CHST11: variants seen among roughly 807,000 people sequenced by gnomAD.
CHST11 encodes C4S-1.
A neutral mutation model predicts 30.4 loss-of-function variants in CHST11; 9 were observed. The ratio of observed to expected loss-of-function variants is 0.30; its 90% CI spans 0.18 to 0.52. CHST11 has a LOEUF of 0.52. Ranked by LOEUF, CHST11 falls within the 20% of genes least tolerant of loss-of-function variation. The probability of loss-of-function intolerance (pLI) is 0.97; values close to 1 mark genes in which losing one functional copy is unlikely to be tolerated. For missense variants in CHST11, 348 were observed against 460.6 expected, an observed-to-expected ratio of 0.76 and a Z score of 2.24; for synonymous variants, 152 against 187.8, an observed-to-expected ratio of 0.81 and a Z score of 1.56.
rs76452316 is a variant in CHST11, at chr12:104,539,142, A to G, written c.119-62764A>G. 6.9e-3 allele frequency among the ~76,000 whole-genome samples: 1,051 copies of G among 152,244 alleles called. 20 individuals are homozygous for G. Among genetic ancestry groups the G allele is most frequent in the African/African-American group, 0.024 (991 of 41,532 alleles). On this transcript the variant is annotated intron_variant, in intron 1 of 2. Transcript: ENST00000303694. ...GCTAACCGTTCTTCCCTCTACCCAC[A>G]AGCAGCTTGATAACGCGACTCTTCA... is the stretch of plus-strand genomic sequence containing the variant.
chr12:104,575,107 T>C (rs10746003), intron 1 of CHST11, among the ~76,000 whole-genome samples: 97,874 of 151,570 alleles, frequency 0.65, 31,919 homozygotes, highest in East Asian at 0.92. Context: ...GCACAAGAAT[T>C]ACTTGAACCC....
chr12:104,659,400 G>A (rs898324963), intron 2 of CHST11, among the ~76,000 whole-genome samples: 15 of 152,160 alleles, frequency 9.9e-5, no homozygotes, highest in East Asian at 5.8e-4. Context: ...AAGAGCTTCC[G>A]GGGATCTCCA....
chr12:104,711,082 G>T (rs533253926), intron 2 of CHST11, among the ~76,000 whole-genome samples: 1 of 152,136 alleles, frequency 6.6e-6, no homozygotes, highest in South Asian at 2.1e-4. Context: ...ATTTGCGTGG[G>T]GGGTGTATAT....
chr12:104,615,788 C>A (rs1231319589), intron 2 of CHST11, among the ~76,000 whole-genome samples: 1 of 152,114 alleles, frequency 6.6e-6, no homozygotes, highest in Non-Finnish European at 1.5e-5. Context: ...ATTAGCCAGG[C>A]GTGGTGGCGG....
At chr12:104,509,895 T>G (rs886852741) in intron 1 of CHST11, among the ~76,000 whole-genome samples, 7 of 152,200 alleles carry the variant, frequency 4.6e-5, no homozygotes, top group Admixed American at 3.3e-4. Context: ...CTGATGTGAA[T>G]AGCTTAGAGT....
intron 1 of CHST11, among the ~76,000 whole-genome samples, chr12:104,496,836 G>A (rs1427240835): frequency 1.3e-5 from 2 of 152,022 alleles, no homozygotes; most frequent in Admixed American, 6.6e-5. Context: ...TTTGAGGATC[G>A]TGGAACTGAG....
intron 2 of CHST11, among the ~76,000 whole-genome samples, chr12:104,716,180 T>A (rs1363561723): frequency 6.6e-6 from 1 of 152,220 alleles, no homozygotes; most frequent in Non-Finnish European, 1.5e-5. Context: ...GTCGCAGACA[T>A]CTGCTTTAAA....
At chr12:104,524,946 G>C (rs1199294421) in intron 1 of CHST11, among the ~76,000 whole-genome samples, 2 of 152,146 alleles carry the variant, frequency 1.3e-5, no homozygotes, top group African/African-American at 4.8e-5. Context: ...ATAAACTCAA[G>C]TTCTAGAGTT....
intron 2 of CHST11, among the ~76,000 whole-genome samples, chr12:104,658,687 C>G (rs2039568451): frequency 6.6e-6 from 1 of 152,222 alleles, no homozygotes; most frequent in Admixed American, 6.5e-5. Context: ...TTCTCCTCCT[C>G]CCAGACTCTC....
intron 2 of CHST11, among the ~76,000 whole-genome samples, chr12:104,690,654 C>CA (rs1351869275): frequency 1.2e-4 from 19 of 152,056 alleles, no homozygotes; most frequent in Non-Finnish European, 2.4e-4. Flanking sequence ...GGTGAAACCC[C>CA]ATCTCTACAT....
At chr12:104,520,086 G>T (rs745368980) in intron 1 of CHST11, among the ~76,000 whole-genome samples, 2 of 152,168 alleles carry the variant, frequency 1.3e-5, no homozygotes, top group African/African-American at 2.4e-5. Flanking sequence ...AGTTGCTGGC[G>T]TCGGAACTGA....
intron 1 of CHST11, among the ~76,000 whole-genome samples, chr12:104,583,379 C>T (rs2038767271): frequency 6.6e-6 from 1 of 152,096 alleles, no homozygotes; most frequent in East Asian, 1.9e-4. Flanking sequence ...AGCTTTGCAT[C>T]TTGGATTCAC....
chr12:104,475,658 T>TTTTTTA (rs770441229), intron 1 of CHST11, among the ~76,000 whole-genome samples: 5 of 34,162 alleles, frequency 1.5e-4, no homozygotes, highest in Admixed American at 9.5e-4. Flanking sequence ...TAAAGCAGCA[T>TTTTTTA]TATATATATA....
rs372245623 is a variant in CHST11 at position 104,759,416 on chromosome 12, T to A, written c.*1613T>A. The A allele has an allele frequency of 1.3e-5, 2 of 149,252 alleles. No individual in the cohort carries two copies. Among genetic ancestry groups the A allele is most frequent in the Admixed American group, 1.4e-4 (2 of 14,634 alleles). 9.2% of individuals were successfully genotyped at this position (149,252 alleles called of 1,614,324 possible). On this transcript the variant is annotated 3_prime_UTR_variant, in exon 3 of 3. Coordinates refer to ENST00000303694, the MANE Select transcript of CHST11 (RefSeq NM_018413.6). ...CCACATCCCTCTTACAGCTAGTGAATGAGTTGGTAGCAGCTACTGTATATA... is the reference window on the plus strand; with the variant it reads ...CCACATCCCTCTTACAGCTAGTGAAAGAGTTGGTAGCAGCTACTGTATATA...
chr12:104,699,964 T>C (rs1480283429), intron 2 of CHST11, among the ~76,000 whole-genome samples: 2 of 152,264 alleles, frequency 1.3e-5, no homozygotes, highest in East Asian at 3.8e-4. Context: ...GGAACAGTCC[T>C]GCCCACTGTG....
intron 2 of CHST11, among the ~76,000 whole-genome samples, chr12:104,626,955 T>C (rs2039221829): frequency 6.6e-6 from 1 of 152,152 alleles, no homozygotes; most frequent in Non-Finnish European, 1.5e-5. Flanking sequence ...TTATACATTT[T>C]AGAGTAGTTT....
intron 1 of CHST11, among the ~76,000 whole-genome samples, chr12:104,582,606 G>A (rs1218885886): frequency 1.3e-5 from 2 of 152,100 alleles, no homozygotes; most frequent in Non-Finnish European, 2.9e-5. Context: ...GCCAATCACT[G>A]TTGGGAACAC....
chr12:104,516,928 T>C (rs2038029620), intron 1 of CHST11, among the ~76,000 whole-genome samples: 2 of 152,200 alleles, frequency 1.3e-5, no homozygotes, highest in Admixed American at 1.3e-4. Context: ...AGCAAAATGT[T>C]CCTGTTTGTT....
At chr12:104,704,408 C>T (rs1395857413) in intron 2 of CHST11, among the ~76,000 whole-genome samples, 1 of 152,154 alleles carries the variant, frequency 6.6e-6, no homozygotes, top group East Asian at 1.9e-4. Flanking sequence ...CGGGCAGCAG[C>T]CCCTGCAGAG....
Sources: gnomAD v4.1 joint callset for allele counts (sites outside exome capture counted in the v4.1 genomes callset) on GRCh38, gnomAD v4.1.1 for gene constraint, MANE v1.5 for transcripts, NCBI Gene and HGNC (gene_info 2026-07-23, HGNC 2026-07-21) for gene names.